Variants in GPR158 observed in about 807,000 individuals in gnomAD.
GPR158 encodes the protein G protein-coupled receptor 158.
Under a neutral mutation model 78.2 loss-of-function variants are expected in GPR158, and 30 were observed. That is an observed-to-expected ratio of 0.38 (90% CI 0.29 to 0.52). The LOEUF (loss-of-function observed/expected upper bound fraction) is 0.52, where lower values mean the gene tolerates loss of function less well. GPR158 is among the 20% of genes least tolerant of loss of function. The probability of loss-of-function intolerance (pLI) is 0.83; values close to 1 mark genes in which losing one functional copy is unlikely to be tolerated. For synonymous variants in GPR158, 581 were observed against 591.1 expected (o/e 0.98, Z 0.25); for missense variants, 1,463 against 1,523.5 (o/e 0.96, Z 0.66).
rs868646868 is a variant in GPR158, at chr10:25,476,148, C to A, written c.1404+9429C>A. 2.0e-5 allele frequency among the ~76,000 whole-genome samples: 3 copies of A among 152,044 alleles called. 1 individual carries two copies. Among genetic ancestry groups the A allele is most frequent in the African/African-American group, 4.8e-5 (2 of 41,374 alleles). ...TTTTCTTACAGATTCTCAAAAGAGA[C>A]GCATGATTTGAAGTCTGTACATTTG... On this transcript the variant is annotated intron_variant, in intron 5 of 10. Coordinates refer to ENST00000376351, the MANE Select transcript of GPR158 (RefSeq NM_020752.3).
chr10:25,565,661 A>T (rs180937987), intron 6 of GPR158, among the ~76,000 whole-genome samples: 1 of 152,320 alleles, frequency 6.6e-6, no homozygotes. Context: ...CTTTAGATAA[A>T]TGACTCCCCT....
At chr10:25,284,472 A>AT (rs372365706) in intron 2 of GPR158, among the ~76,000 whole-genome samples, 5 of 151,304 alleles carry the variant, frequency 3.3e-5, no homozygotes, top group Admixed American at 1.3e-4. Context: ...TTGGAATAAT[A>AT]TTTTTTTTCT....
At chr10:25,594,041 A>T (rs1432792509) in intron 8 of GPR158, among the ~76,000 whole-genome samples, 1 of 152,104 alleles carries the variant, frequency 6.6e-6, no homozygotes, top group African/African-American at 2.4e-5. Flanking sequence ...ACAAAATAAT[A>T]ATCTTGGGAA....
intron 4 of GPR158, among the ~76,000 whole-genome samples, chr10:25,450,109 AG>A (rs1835193933): frequency 1.3e-5 from 2 of 152,128 alleles, no homozygotes; most frequent in Non-Finnish European, 2.9e-5. Context: ...TTGTGTGAAA[AG>A]TCAATGAAAC....
At chr10:25,382,629 T>C (rs190197116) in intron 2 of GPR158, among the ~76,000 whole-genome samples, 1 of 152,226 alleles carries the variant, frequency 6.6e-6, no homozygotes, top group African/African-American at 2.4e-5. Context: ...TGGTAAAATA[T>C]GTGAGTGATG....
chr10:25,511,334 G>A lies in GPR158; in HGVS notation c.1405-39642G>A, dbSNP rs1836082946. ...TTTTTCATATGTTTGTTGGCCATTT[G>A]TATATCTTCTTCTGAGAATTGTCTA... On this transcript the variant is annotated intron_variant, in intron 5 of 10. Coordinates refer to ENST00000376351, the MANE Select transcript of GPR158 (RefSeq NM_020752.3). Among the ~76,000 whole-genome samples the A allele has an allele frequency of 2.0e-5, 3 of 152,180 alleles. No individual in the cohort carries two copies. The South Asian group carries it at 6.2e-4, about 32-fold the overall frequency.
chr10:25,371,703 A>G (rs76333796), intron 2 of GPR158, among the ~76,000 whole-genome samples: 19,463 of 131,796 alleles, frequency 0.15, 1,710 homozygotes, highest in African/African-American at 0.23. Context: ...ACAAAAATCA[A>G]TTCAAGATGG....
intron 2 of GPR158, among the ~76,000 whole-genome samples, chr10:25,356,086 T>G (rs1303145845): frequency 3.9e-5 from 6 of 152,096 alleles, no homozygotes; most frequent in African/African-American, 1.2e-4. Flanking sequence ...GAAAGCTGAT[T>G]GTCTACCTCA....
chr10:25,280,746 C>T (rs990009884), intron 2 of GPR158, among the ~76,000 whole-genome samples: 8 of 143,238 alleles, frequency 5.6e-5, no homozygotes, highest in African/African-American at 7.9e-5. Context: ...TATGTACGTA[C>T]GTACATACGT....
At chr10:25,424,800 T>G (rs1747433843) in intron 4 of GPR158, among the ~76,000 whole-genome samples, 1 of 152,224 alleles carries the variant, frequency 6.6e-6, no homozygotes, top group African/African-American at 2.4e-5. Context: ...TGTAGAATAC[T>G]TTGATGTCAG....
At chr10:25,241,193 T>TCTTTCCTTTCTTTC (rs368561518) in intron 2 of GPR158, among the ~76,000 whole-genome samples, 3 of 101,660 alleles carry the variant, frequency 3.0e-5, no homozygotes, top group African/African-American at 1.7e-4. Flanking sequence ...TTCTTTCCTT[T>TCTTTCCTTTCTTTC]CTTTCTTTCC....
intron 5 of GPR158, among the ~76,000 whole-genome samples, chr10:25,550,391 T>C (rs1003208458): frequency 6.6e-6 from 1 of 152,044 alleles, no homozygotes; most frequent in African/African-American, 2.4e-5. Context: ...TATGGAGTGG[T>C]AGACTGTTTG....
At chr10:25,583,214 G>T (rs189069274) in intron 7 of GPR158, among the ~76,000 whole-genome samples, 5 of 152,080 alleles carry the variant, frequency 3.3e-5, no homozygotes, top group Non-Finnish European at 7.4e-5. Context: ...AACTTGCAAC[G>T]TCTTCTGTAT....
chr10:25,239,315 T>C (rs1349430748), intron 2 of GPR158, among the ~76,000 whole-genome samples: 1 of 152,086 alleles, frequency 6.6e-6, no homozygotes, highest in South Asian at 2.1e-4. Flanking sequence ...ATTAAAACAA[T>C]AGGGGCCAGG....
intron 4 of GPR158, among the ~76,000 whole-genome samples, chr10:25,456,446 C>G (rs1835292351): frequency 6.6e-6 from 1 of 152,326 alleles, no homozygotes; most frequent in South Asian, 2.1e-4. Context: ...TAAAGATAAA[C>G]TTAACAGTTC....
rs538609846 is a variant in GPR158, at chr10:25,346,498, CA to C, written c.1009-49411del. Among the ~76,000 whole-genome samples the C allele has an allele frequency of 7.8e-4, 119 of 151,990 alleles. 2 individuals carry two copies. In the South Asian group the frequency reaches 0.024, roughly 31 times the overall value. On this transcript the variant is annotated intron_variant, in intron 2 of 10. Transcript: ENST00000376351. Reference sequence around the variant, plus strand: ...AAAAGATGGAAGCAAGCAGAGAAGACAACACATTGAGCATCCTTAGGTGCAC... The same window carrying C: ...AAAAGATGGAAGCAAGCAGAGAAGACACACATTGAGCATCCTTAGGTGCAC...
intron 1 of GPR158, among the ~76,000 whole-genome samples, chr10:25,178,270 A>G (rs566938212): frequency 3.3e-5 from 5 of 152,308 alleles, no homozygotes; most frequent in Non-Finnish European, 7.4e-5. Context: ...AGCCCACTTC[A>G]TACTTCATAT....
chr10:25,463,854 A>C (rs549682317), intron 4 of GPR158, among the ~76,000 whole-genome samples: 2 of 152,314 alleles, frequency 1.3e-5, no homozygotes, highest in South Asian at 4.1e-4. Flanking sequence ...GGTACCAAGC[A>C]TAAAATAAAA....
At chr10:25,270,108 C>A (rs914515561) in intron 2 of GPR158, among the ~76,000 whole-genome samples, 11 of 152,150 alleles carry the variant, frequency 7.2e-5, no homozygotes, top group Admixed American at 2.6e-4. Flanking sequence ...TGAGGACACA[C>A]AGAATCTTCA....
Sources: allele counts gnomAD v4.1 joint callset (sites outside exome capture counted in the v4.1 genomes callset), GRCh38; gene constraint gnomAD v4.1.1; transcripts MANE v1.5; gene names NCBI Gene and HGNC (gene_info 2026-07-23, HGNC 2026-07-21).